Variants in FAT4 observed in about 807,000 individuals in gnomAD.
The protein encoded by FAT4 is FAT atypical cadherin 4.
Under a neutral mutation model 303.9 loss-of-function variants are expected in FAT4, and 84 were observed. That is an observed-to-expected ratio of 0.28 (90% confidence interval 0.23 to 0.33). The LOEUF (loss-of-function observed/expected upper bound fraction) is 0.33. Ranked by LOEUF, FAT4 falls within the 10% of genes least tolerant of loss-of-function variation. The pLI is 1.00. For missense variants in FAT4, 6,005 were observed against 6,146.8 expected (o/e 0.98, Z 0.77); for synonymous variants, 2,307 against 2,298.8 (o/e 1.00, Z -0.10).
Position 125,450,620 on chromosome 4 carries a change from A to G in FAT4, c.9610A>G (p.Thr3204Ala), listed in dbSNP as rs1726024667. The change falls in exon 10 of 18, where the codon ACT (threonine) becomes GCT (alanine). Residue 3204 changes from threonine (T) to alanine (A), a missense_variant. Coordinates refer to ENST00000394329, the MANE Select transcript of FAT4 (RefSeq NM_001291303.3). ...PVFLSDDYFP[T>A]VLENAPSGTT... ...ATTCCTCTCTGATGACTATTTCCCT[A>G]CTGTTTTGGAAAATGCCCCAAGTGG... 2.5e-6 allele frequency: 4 copies of G among 1,614,018 alleles called. No individual in the cohort carries two copies. The highest frequency in any genetic ancestry group is 2.7e-5 in the African/African-American group (2 of 74,998).
chr4:125,394,706 G>T lies in FAT4; in HGVS notation c.5176-4078G>T, dbSNP rs932435336. Among the ~76,000 whole-genome samples the T allele has an allele frequency of 3.6e-4, 54 of 152,048 alleles. 1 individual carries two copies. Among genetic ancestry groups the T allele is most frequent in the African/African-American group, 1.3e-3 (54 of 41,414 alleles). ...TCACACCAAACCTTAGTCTAAAGAA[G>T]GTATAGTAATGGTTGGTGTCAGATC... On this transcript the variant is annotated intron_variant, in intron 2 of 17. Coordinates refer to ENST00000394329, the MANE Select transcript of FAT4 (RefSeq NM_001291303.3).
At chr4:125,472,054 C>G (rs1383503973) in intron 12 of FAT4, among the ~76,000 whole-genome samples, 1 of 119,718 alleles carries the variant, frequency 8.4e-6, no homozygotes, top group African/African-American at 3.3e-5. Flanking sequence ...GCCTGGGTGA[C>G]AGAGCAAGAC....
intron 2 of FAT4, among the ~76,000 whole-genome samples, chr4:125,365,223 C>G (rs1292753383): frequency 1.3e-5 from 2 of 152,126 alleles, no homozygotes; most frequent in Non-Finnish European, 2.9e-5. Flanking sequence ...AATGTGAGGT[C>G]ACTCTGAGAT....
chr4:125,394,364 C>A (rs1049575057), intron 2 of FAT4, among the ~76,000 whole-genome samples: 6 of 152,128 alleles, frequency 3.9e-5, no homozygotes, highest in Non-Finnish European at 8.8e-5. Flanking sequence ...CCAGTCTAAA[C>A]AAATGTAAAG....
chr4:125,371,959 C>T (rs1162284810), intron 2 of FAT4, among the ~76,000 whole-genome samples: 1 of 151,960 alleles, frequency 6.6e-6, no homozygotes, highest in East Asian at 1.9e-4. Context: ...GTCTGCAGTG[C>T]CTAGGACAGA....
intron 8 of FAT4, among the ~76,000 whole-genome samples, chr4:125,441,592 T>C (rs575912290): frequency 2.7e-3 from 407 of 152,280 alleles, no homozygotes; most frequent in Non-Finnish European, 4.7e-3. Flanking sequence ...AGGAAATAAT[T>C]TGTACAAAGC....
intron 2 of FAT4, among the ~76,000 whole-genome samples, chr4:125,372,089 G>C (rs1326841212): frequency 6.6e-6 from 1 of 152,078 alleles, no homozygotes; most frequent in African/African-American, 2.4e-5. Flanking sequence ...GCTCATACCT[G>C]TAATCCCAAC....
rs187707466 is a variant in FAT4, at chr4:125,481,642, T to G, written c.12726T>G (p.Pro4242=). The G allele has an allele frequency of 6.2e-7, 1 of 1,614,068 alleles. No individual in the cohort carries two copies. The highest frequency in any genetic ancestry group is 8.5e-7 in the Non-Finnish European group (1 of 1,179,932). The change falls in exon 16 of 18, where the codon CCT becomes CCG. Residue 4242 remains proline (P), a synonymous_variant. Coordinates refer to ENST00000394329, the MANE Select transcript of FAT4 (RefSeq NM_001291303.3). ...RQSLRGAMLE[P]FGVNSLEVKF... is the part of the protein sequence containing the mutation. ...GCTTACGAGGTGCCATGTTGGAGCC[T>G]TTTGGTGTGAACAGTCTGGAAGTAA... is the stretch of plus-strand genomic sequence containing the variant.
chr4:125,359,643 A>G (rs985257103), intron 2 of FAT4, among the ~76,000 whole-genome samples: 2 of 152,194 alleles, frequency 1.3e-5, no homozygotes, highest in African/African-American at 4.8e-5. Context: ...TGGTATGAGT[A>G]TCATAACCAA....
intron 2 of FAT4, among the ~76,000 whole-genome samples, chr4:125,357,473 A>G (rs1418978564): frequency 6.6e-6 from 1 of 152,152 alleles, no homozygotes; most frequent in Non-Finnish European, 1.5e-5. Flanking sequence ...TAACAAAGGA[A>G]TCAAATGGAA....
intron 2 of FAT4, among the ~76,000 whole-genome samples, chr4:125,346,464 A>G (rs1442594293): frequency 6.6e-6 from 1 of 151,942 alleles, no homozygotes; most frequent in Non-Finnish European, 1.5e-5. Flanking sequence ...CTTCCACATG[A>G]TTAGACAATA....
At chr4:125,447,622 T>C (rs1725870221) in intron 9 of FAT4, among the ~76,000 whole-genome samples, 1 of 152,152 alleles carries the variant, frequency 6.6e-6, no homozygotes, top group Non-Finnish European at 1.5e-5. Context: ...TTTTTAAAAT[T>C]AAAGATATTT....
chr4:125,456,730 T>G (rs1379537624), intron 10 of FAT4, among the ~76,000 whole-genome samples: 2 of 152,184 alleles, frequency 1.3e-5, no homozygotes, highest in Non-Finnish European at 2.9e-5. Flanking sequence ...ATAGCCTGGC[T>G]CAGGAAGACA....
chr4:125,492,218 G>T lies in FAT4; in HGVS notation c.*450G>T, dbSNP rs569760603. ...AAGTGTAAAAAGGAACCCTCCTATCGTGGAATGAAAGATTAAGTATATTAA... is the reference window on the plus strand; with the variant it reads ...AAGTGTAAAAAGGAACCCTCCTATCTTGGAATGAAAGATTAAGTATATTAA... On this transcript the variant is annotated 3_prime_UTR_variant, in exon 18 of 18. Coordinates refer to ENST00000394329, the MANE Select transcript of FAT4 (RefSeq NM_001291303.3). The T allele has an allele frequency of 7.6e-5, 12 of 158,166 alleles. No individual in the cohort carries two copies. The highest frequency in any genetic ancestry group is 1.3e-4 in the Non-Finnish European group (9 of 71,530). The allele number at this position is 158,166 out of a possible 1,614,324, so 9.8% of individuals were successfully genotyped here.
Position 125,452,045 on chromosome 4 carries a change from G to A in FAT4, c.11035G>A (p.Gly3679Ser). The A allele has an allele frequency of 6.2e-7, 1 of 1,614,118 alleles. No individual in the cohort carries two copies. The highest frequency in any genetic ancestry group is 8.5e-7 in the Non-Finnish European group (1 of 1,180,012). Reference sequence around the variant, plus strand: ...GAATTCCCAGCCAAGGTCCACAGATGGCACGTTTGATCTGACTGTCCTTAG... The same window carrying A: ...GAATTCCCAGCCAAGGTCCACAGATAGCACGTTTGATCTGACTGTCCTTAG... ...DLNSQPRSTD[G>S]TFDLTVLSND... The change falls in exon 10 of 18, where the codon GGC (glycine) becomes AGC (serine). Residue 3679 changes from glycine to serine, a missense_variant. By Grantham distance (56) the Gly-to-Ser change is moderately conservative. Transcript: ENST00000394329.
chr4:125,446,072 C>G, intron 8 of FAT4: 1 of 408,472 alleles, frequency 2.4e-6, no homozygotes, highest in Non-Finnish European at 4.4e-6. Flanking sequence ...TGAAGACTTC[C>G]TTGACATCAC....
chr4:125,359,508 A>G (rs1438825165), intron 2 of FAT4, among the ~76,000 whole-genome samples: 5 of 152,210 alleles, frequency 3.3e-5, no homozygotes, highest in Non-Finnish European at 7.3e-5. Context: ...GATTTATAAT[A>G]CTGTTACTCA....
At chr4:125,418,419 T>C (rs1735158458) in intron 7 of FAT4, among the ~76,000 whole-genome samples, 1 of 152,148 alleles carries the variant, frequency 6.6e-6, no homozygotes, top group African/African-American at 2.4e-5. Flanking sequence ...CATCATATTT[T>C]TATTTACTGA....
intron 16 of FAT4, among the ~76,000 whole-genome samples, chr4:125,487,028 A>T (rs953955311): frequency 1.3e-5 from 2 of 152,308 alleles, no homozygotes; most frequent in East Asian, 3.9e-4. Context: ...CAAATAATTT[A>T]AAAAGGTATA....
Sources: allele counts gnomAD v4.1 joint callset (sites outside exome capture counted in the v4.1 genomes callset), GRCh38; gene constraint gnomAD v4.1.1; transcripts MANE v1.5; gene names NCBI Gene and HGNC (gene_info 2026-07-23, HGNC 2026-07-21).